Variants in UBE3C observed in about 807,000 individuals in gnomAD.
UBE3C encodes the protein ubiquitin-protein ligase E3C.
In UBE3C, 42 loss-of-function variants were observed where a neutral mutation model predicts 129.4. The observed-to-expected ratio is 0.32, with a 90% confidence interval of 0.25 to 0.42. The LOEUF (loss-of-function observed/expected upper bound fraction) is 0.42. UBE3C is among the 10% of genes least tolerant of loss of function. UBE3C has a pLI of 1.00. For missense variants in UBE3C, 1,049 were observed against 1,319.1 expected, an observed-to-expected ratio of 0.80 and a Z score of 3.17; for synonymous variants, 510 against 492.4, an observed-to-expected ratio of 1.04 and a Z score of -0.47.
At chr7:157,174,190 C>G (rs778822495) in intron 4 of UBE3C, among the ~76,000 whole-genome samples, 3 of 152,096 alleles carry the variant, frequency 2.0e-5, no homozygotes, top group Non-Finnish European at 4.4e-5. Context: ...TGGCAAACCC[C>G]GCCCCTACTA....
rs1301124616 is a variant in UBE3C, at chr7:157,175,137, C to CCTTTT, written c.458+103_458+104insCTTTT. The CCTTTT allele has an allele frequency of 1.6e-5, 4 of 252,758 alleles. No individual in the cohort carries two copies. In the African/African-American group the frequency reaches 1.7e-4, roughly 10 times the overall value. 15.7% of individuals were successfully genotyped at this position (252,758 alleles called of 1,614,324 possible). ...TTTCAGAGACAGTGGCTTTTCCATA[C>CCTTTT]TTTTTTTTTTTTTTTTTTTTTGAGG... On this transcript the variant is annotated intron_variant, in intron 5 of 22. Transcript: ENST00000348165.
At chr7:157,202,605 C>T (rs542384750) in intron 11 of UBE3C, among the ~76,000 whole-genome samples, 2 of 152,028 alleles carry the variant, frequency 1.3e-5, no homozygotes, top group South Asian at 2.1e-4. Context: ...TGCAGTGAGT[C>T]GAGATCATGC....
intron 16 of UBE3C, among the ~76,000 whole-genome samples, chr7:157,225,011 A>C (rs947663870): frequency 1.3e-5 from 2 of 151,946 alleles, no homozygotes; most frequent in African/African-American, 4.8e-5. Context: ...AGGGGTTTAA[A>C]TTTTAATTTT....
At chr7:157,246,267 C>T (rs1475513062) in intron 18 of UBE3C, among the ~76,000 whole-genome samples, 1 of 152,148 alleles carries the variant, frequency 6.6e-6, no homozygotes, top group African/African-American at 2.4e-5. Flanking sequence ...AATACGGTAA[C>T]TGGTTGGAAG....
chr7:157,246,041 T>G (rs1049661715), intron 18 of UBE3C, among the ~76,000 whole-genome samples: 3 of 151,894 alleles, frequency 2.0e-5, no homozygotes, highest in African/African-American at 7.2e-5. Flanking sequence ...GTCTGTCATT[T>G]TCTGAAACAA....
At chr7:157,260,151 C>T (rs1011309119) in intron 22 of UBE3C, among the ~76,000 whole-genome samples, 3 of 132,630 alleles carry the variant, frequency 2.3e-5, no homozygotes, top group Non-Finnish European at 4.6e-5. Flanking sequence ...ACAGGACAAA[C>T]AGAACCAACT....
intron 4 of UBE3C, among the ~76,000 whole-genome samples, chr7:157,171,660 TTATATATA>T (rs201782129): frequency 6.6e-4 from 45 of 67,874 alleles, no homozygotes; most frequent in African/African-American, 1.8e-3. Flanking sequence ...TTTAAATATT[TTATATATA>T]TATATATATA....
chr7:157,234,349 A>G (rs1266755153), intron 18 of UBE3C, among the ~76,000 whole-genome samples: 2 of 152,134 alleles, frequency 1.3e-5, no homozygotes, highest in African/African-American at 2.4e-5. Context: ...TAATTTTTGT[A>G]GATTGTATGA....
At chr7:157,219,155 T>A (rs1360654021) in intron 14 of UBE3C, among the ~76,000 whole-genome samples, 1 of 152,182 alleles carries the variant, frequency 6.6e-6, no homozygotes, top group Non-Finnish European at 1.5e-5. Flanking sequence ...TAGGGTCTGC[T>A]GGTCTGAGAT....
chr7:157,144,385 G>A (rs182044263), intron 1 of UBE3C, among the ~76,000 whole-genome samples: 4 of 152,214 alleles, frequency 2.6e-5, no homozygotes, highest in South Asian at 2.1e-4. Flanking sequence ...TCGGTGTCTC[G>A]GAAATAGTTT....
At chr7:157,175,287 T>G (rs939660380) in intron 5 of UBE3C, among the ~76,000 whole-genome samples, 2 of 152,110 alleles carry the variant, frequency 1.3e-5, no homozygotes, top group African/African-American at 4.8e-5. Flanking sequence ...CTTTGAATTA[T>G]CTTGTGAATG....
At position 157,182,336 on chromosome 7, in the gene UBE3C, A is replaced by C. The variant is rs746428700; in HGVS notation, c.991+8A>C. 1.2e-6 allele frequency: 2 copies of C among 1,612,792 alleles called. No individual in the cohort carries two copies. The highest frequency in any genetic ancestry group is 1.7e-5 in the Admixed American group (1 of 59,680). On this transcript the variant is annotated splice_region_variant and intron_variant, in intron 8 of 22. Coordinates refer to ENST00000348165, the MANE Select transcript of UBE3C (RefSeq NM_014671.3). Reference sequence around the variant, plus strand: ...TTGGCGAAAATTATTTGGGTATGAAATACAAGATCTTTTTTACCTGAACAC... The same window carrying C: ...TTGGCGAAAATTATTTGGGTATGAACTACAAGATCTTTTTTACCTGAACAC...
At chr7:157,204,995 C>T (rs1809393498) in intron 11 of UBE3C, among the ~76,000 whole-genome samples, 1 of 152,204 alleles carries the variant, frequency 6.6e-6, no homozygotes, top group Non-Finnish European at 1.5e-5. Flanking sequence ...GGGATTGCCT[C>T]GGGTCTCACT....
At chr7:157,139,562 C>T (rs1362592798) in intron 1 of UBE3C, among the ~76,000 whole-genome samples, 4 of 152,052 alleles carry the variant, frequency 2.6e-5, no homozygotes, top group Non-Finnish European at 4.4e-5. Context: ...AGGACTCTGG[C>T]TGGGGCTTAG....
chr7:157,219,011 G>A (rs1272617076), intron 14 of UBE3C, among the ~76,000 whole-genome samples: 1 of 152,230 alleles, frequency 6.6e-6, no homozygotes, highest in Admixed American at 6.5e-5. Flanking sequence ...AAAACAGATA[G>A]TGTGTGATCT....
intron 5 of UBE3C, among the ~76,000 whole-genome samples, chr7:157,175,455 A>C (rs1808493455): frequency 6.6e-6 from 1 of 152,186 alleles, no homozygotes; most frequent in Non-Finnish European, 1.5e-5. Flanking sequence ...TTTATGTAGG[A>C]ACGCAGCATA....
intron 10 of UBE3C, among the ~76,000 whole-genome samples, chr7:157,187,632 G>A (rs993789567): frequency 6.6e-6 from 1 of 151,536 alleles, no homozygotes; most frequent in Non-Finnish European, 1.5e-5. Context: ...CTGGAGTGCA[G>A]TGGCGCGATC....
intron 2 of UBE3C, among the ~76,000 whole-genome samples, chr7:157,165,006 G>A (rs1279862847): frequency 1.3e-5 from 2 of 152,088 alleles, no homozygotes; most frequent in Non-Finnish European, 2.9e-5. Flanking sequence ...TCTGTACATT[G>A]GAGGATGTTT....
At chr7:157,252,026 C>T (rs1796631922) in intron 19 of UBE3C, among the ~76,000 whole-genome samples, 1 of 152,034 alleles carries the variant, frequency 6.6e-6, no homozygotes, top group Non-Finnish European at 1.5e-5. Context: ...ATCCCAGCTA[C>T]TCGGGAGGCT....
Sources: allele counts gnomAD v4.1 joint callset (sites outside exome capture counted in the v4.1 genomes callset), GRCh38; gene constraint gnomAD v4.1.1; transcripts MANE v1.5; gene names NCBI Gene and HGNC (gene_info 2026-07-23, HGNC 2026-07-21).